The following STK32B variants were observed in gnomAD, a reference collection of about 807,000 sequenced individuals.
STK32B encodes serine/threonine-protein kinase 32B.
A neutral mutation model predicts 52.6 loss-of-function variants in STK32B; 43 were observed. That is an observed-to-expected ratio of 0.82 (90% CI 0.64 to 1.05). The LOEUF (loss-of-function observed/expected upper bound fraction) is 1.05, where lower values mean the gene tolerates loss of function less well. Among genes scored for constraint, STK32B ranks in the 50% least tolerant of loss-of-function variants. The probability of loss-of-function intolerance (pLI) is 0.00; values close to 1 mark genes in which losing one functional copy is unlikely to be tolerated. For missense variants in STK32B, 621 were observed against 534.6 expected (o/e 1.16, Z -1.59); for synonymous variants, 238 against 204.3 (o/e 1.17, Z -1.41).
intron 2 of STK32B, among the ~76,000 whole-genome samples, chr4:5,146,873 C>A (rs941434963): frequency 6.6e-6 from 1 of 152,034 alleles, no homozygotes; most frequent in African/African-American, 2.4e-5. Context: ...CACATTTATT[C>A]TTTTTCAAGA....
chr4:5,064,860 A>G (rs1164394249), intron 1 of STK32B, among the ~76,000 whole-genome samples: 1 of 144,610 alleles, frequency 6.9e-6, no homozygotes, highest in African/African-American at 2.5e-5. Context: ...ATATAATTAT[A>G]TAATATATAA....
chr4:5,078,255 A>G (rs1560139907), intron 1 of STK32B, among the ~76,000 whole-genome samples: 1 of 152,196 alleles, frequency 6.6e-6, no homozygotes, highest in Non-Finnish European at 1.5e-5. Context: ...ACTGGCCAAA[A>G]TGTGCTGGAC....
chr4:5,165,437 C>T (rs138513999), intron 2 of STK32B, among the ~76,000 whole-genome samples: 126 of 152,254 alleles, frequency 8.3e-4, no homozygotes, highest in African/African-American at 2.8e-3. Flanking sequence ...AACCCAGAAG[C>T]GCCATGGATG....
chr4:5,316,823 C>A (rs890703546), intron 3 of STK32B, among the ~76,000 whole-genome samples: 2 of 4,668 alleles, frequency 4.3e-4, no homozygotes, highest in East Asian at 0.024. Flanking sequence ...TATATTATAT[C>A]ATATATATTA....
chr4:5,171,874 A>T (rs573576771), intron 3 of STK32B, among the ~76,000 whole-genome samples: 142 of 150,914 alleles, frequency 9.4e-4, no homozygotes, highest in African/African-American at 3.1e-3. Flanking sequence ...TGGGGATGGC[A>T]TTGAATCTAT....
Position 5,051,488 on chromosome 4 carries a change from C to T in STK32B, c.-376C>T, listed in dbSNP as rs537891073. 1.4e-3 allele frequency: 399 copies of T among 280,334 alleles called. 5 individuals carry two copies. Among genetic ancestry groups the T allele is most frequent in the African/African-American group, 8.5e-3 (381 of 44,612 alleles). The allele number at this position is 280,334 out of a possible 1,614,324, so 17.4% of individuals were successfully genotyped here. On this transcript the variant is annotated 5_prime_UTR_variant, in exon 1 of 12. Transcript: ENST00000282908. ...CCCCTCCTCCCCCGCTCCTTCCCCT[C>T]CTTCCCCTGCTCCCGCGCCGCCTCG... is the stretch of plus-strand genomic sequence containing the variant.
chr4:5,192,027 C>T (rs1331016459), intron 3 of STK32B, among the ~76,000 whole-genome samples: 1 of 152,206 alleles, frequency 6.6e-6, no homozygotes, highest in Non-Finnish European at 1.5e-5. Context: ...TCATGCCCAA[C>T]TGTAGAGACA....
chr4:5,332,981 C>A (rs1426440761), intron 4 of STK32B, among the ~76,000 whole-genome samples: 2 of 152,274 alleles, frequency 1.3e-5, no homozygotes, highest in East Asian at 3.9e-4. Flanking sequence ...TTTATAACAG[C>A]ATGATTTATA....
At chr4:5,420,049 G>A (rs564234818) in intron 6 of STK32B, among the ~76,000 whole-genome samples, 16 of 152,136 alleles carry the variant, frequency 1.1e-4, no homozygotes, top group African/African-American at 3.4e-4. Context: ...TAATGCCCTC[G>A]AACATGAAAT....
chr4:5,145,898 G>A (rs1001609101), intron 2 of STK32B, among the ~76,000 whole-genome samples: 1 of 152,108 alleles, frequency 6.6e-6, no homozygotes, highest in Non-Finnish European at 1.5e-5. Context: ...TATGCCATTT[G>A]TATAAGAAAA....
intron 3 of STK32B, among the ~76,000 whole-genome samples, chr4:5,259,433 C>T (rs1441297434): frequency 6.6e-6 from 1 of 152,146 alleles, no homozygotes; most frequent in Non-Finnish European, 1.5e-5. Context: ...TATTCGACTG[C>T]TAGAATTTGA....
chr4:5,332,641 C>T (rs1020353115), intron 4 of STK32B, among the ~76,000 whole-genome samples: 4 of 152,092 alleles, frequency 2.6e-5, no homozygotes, highest in African/African-American at 9.7e-5. Context: ...TGCTATCCCT[C>T]CCCGCTGCCT....
chr4:5,348,318 C>A (rs140963789), intron 4 of STK32B, among the ~76,000 whole-genome samples: 1 of 152,168 alleles, frequency 6.6e-6, no homozygotes, highest in Non-Finnish European at 1.5e-5. Context: ...GTGTCCCACA[C>A]CTTCTTCCCA....
intron 3 of STK32B, among the ~76,000 whole-genome samples, chr4:5,180,962 G>A (rs916941678): frequency 6.6e-6 from 1 of 152,172 alleles, no homozygotes; most frequent in African/African-American, 2.4e-5. Flanking sequence ...CGAAGGCAAA[G>A]GAGAGAGGGA....
chr4:5,100,440 C>T (rs1169850698), intron 1 of STK32B, among the ~76,000 whole-genome samples: 2 of 141,334 alleles, frequency 1.4e-5, no homozygotes, highest in African/African-American at 5.4e-5. Context: ...CCTCCTTCCT[C>T]CTTTCTTCCT....
chr4:5,248,234 A>T (rs1227948117), intron 3 of STK32B, among the ~76,000 whole-genome samples: 1 of 152,240 alleles, frequency 6.6e-6, no homozygotes, highest in Non-Finnish European at 1.5e-5. Flanking sequence ...TGGAACTCAG[A>T]GGCCTCCAAG....
intron 3 of STK32B, among the ~76,000 whole-genome samples, chr4:5,311,884 G>T (rs1730310658): frequency 6.7e-6 from 1 of 150,302 alleles, no homozygotes; most frequent in Non-Finnish European, 1.5e-5. Flanking sequence ...TCTGGAAATG[G>T]AAGAGAAGTG....
Position 5,111,550 on chromosome 4 carries a change from G to A in STK32B, c.53-28355G>A, listed in dbSNP as rs567484619. On this transcript the variant is annotated intron_variant, in intron 1 of 11. Transcript: ENST00000282908. The stretch of plus-strand genomic sequence containing the variant: ...ATATTACATGTTCTCACTTATAAGT[G>A]GGAGCTAAATGAAGGCTACACATGG... 7.9e-4 allele frequency among the ~76,000 whole-genome samples: 120 copies of A among 152,210 alleles called. 1 individual carries two copies. The highest frequency in any genetic ancestry group is 2.7e-3 in the African/African-American group (114 of 41,486).
intron 11 of STK32B, among the ~76,000 whole-genome samples, chr4:5,491,021 C>A (rs1438026935): frequency 6.6e-6 from 1 of 152,128 alleles, no homozygotes; most frequent in African/African-American, 2.4e-5. Flanking sequence ...GTGAATAGTG[C>A]CATAATAAAC....
Sources: gnomAD v4.1 joint callset for allele counts (sites outside exome capture counted in the v4.1 genomes callset) on GRCh38, gnomAD v4.1.1 for gene constraint, MANE v1.5 for transcripts, NCBI Gene and HGNC (gene_info 2026-07-23, HGNC 2026-07-21) for gene names.